The following PRRC2B variants were observed in gnomAD, a reference collection of about 807,000 sequenced individuals.
The protein encoded by PRRC2B is protein PRRC2B.
PRRC2B carries 68 observed loss-of-function variants against 242.3 expected under a neutral mutation model. The observed-to-expected ratio is 0.28, with a 90% CI of 0.23 to 0.34. The LOEUF (loss-of-function observed/expected upper bound fraction) is 0.34, where lower values mean the gene tolerates loss of function less well. Among genes scored for constraint, PRRC2B ranks in the 10% least tolerant of loss-of-function variants. The pLI is 1.00. For synonymous variants in PRRC2B, 1,228 were observed against 1,173.6 expected, an observed-to-expected ratio of 1.05 and a Z score of -0.95; for missense variants, 2,835 against 2,954.8, an observed-to-expected ratio of 0.96 and a Z score of 0.94.
At chr9:131,381,671 G>A (rs1441430032) in intron 1 of PRRC2B, among the ~76,000 whole-genome samples, 1 of 151,086 alleles carries the variant, frequency 6.6e-6, no homozygotes, top group Admixed American at 6.6e-5. Context: ...TGCCTGCCTC[G>A]GCCTCCCAAA....
intron 31 of PRRC2B, among the ~76,000 whole-genome samples, chr9:131,495,011 G>T (rs920477974): frequency 6.6e-6 from 1 of 152,176 alleles, no homozygotes; most frequent in African/African-American, 2.4e-5. Context: ...CCCCTCAGAC[G>T]TGGGTTTTTA....
At chr9:131,396,256 C>T (rs1211394150) in intron 1 of PRRC2B, among the ~76,000 whole-genome samples, 1 of 151,484 alleles carries the variant, frequency 6.6e-6, no homozygotes, top group African/African-American at 2.4e-5. Context: ...CCCTTGCCCT[C>T]TTCCTCTCTC....
chr9:131,420,489 CTTTCTTT>C (rs1186136656), intron 1 of PRRC2B, among the ~76,000 whole-genome samples: 4 of 17,618 alleles, frequency 2.3e-4, no homozygotes, highest in Admixed American at 2.0e-3. Context: ...TTCTTTCTTT[CTTTCTTT>C]TTTTTTTTTT....
At chr9:131,400,422 A>C (rs564063378) in intron 1 of PRRC2B, among the ~76,000 whole-genome samples, 10 of 151,662 alleles carry the variant, frequency 6.6e-5, no homozygotes, top group African/African-American at 2.4e-4. Context: ...GGGTTCAAGC[A>C]ATTCTCGTGC....
chr9:131,378,147 A>T (rs1382984757), intron 1 of PRRC2B, among the ~76,000 whole-genome samples: 1 of 151,952 alleles, frequency 6.6e-6, no homozygotes, highest in Non-Finnish European at 1.5e-5. Context: ...TGTCTCTACT[A>T]AAAATTCAAA....
Position 131,484,742 on chromosome 9 carries a change from C to T in PRRC2B, c.5517C>T (p.Ala1839=). The T allele has an allele frequency of 1.2e-6, 2 of 1,613,122 alleles. No homozygotes were observed. Among genetic ancestry groups the T allele is most frequent in the Non-Finnish European group, 1.7e-6 (2 of 1,179,482 alleles). Residue 1839 remains alanine (A), a synonymous_variant, in exon 24 of 32, where the codon GCC becomes GCT. Transcript: ENST00000683519. ...ILRRDHHIQR[A]IGLSPMSFPT... is the part of the protein sequence containing the mutation. ...GGCGGGACCATCACATCCAGAGGGC[C>T]ATCGGTCTCTCCCCAATGTCCTTCC...
chr9:131,390,843 A>G (rs576726449), upstream of PRRC2B, among the ~76,000 whole-genome samples: 33 of 127,146 alleles, frequency 2.6e-4, no homozygotes, highest in South Asian at 8.6e-3. Flanking sequence ...CTATAGTGCA[A>G]TGGTGCAATC....
Position 131,481,746 on chromosome 9 carries a change from G to A in PRRC2B, c.4921G>A (p.Ala1641Thr), listed in dbSNP as rs927717052. The A allele has an allele frequency of 1.3e-6, 2 of 1,565,320 alleles. No individual in the cohort carries two copies. The highest frequency in any genetic ancestry group is 2.4e-5 in the South Asian group (2 of 84,796). The change falls in exon 20 of 32, where the codon GCC (alanine) becomes ACC (threonine). Residue 1641 changes from alanine to threonine, a missense_variant. Ala to Thr is a moderately conservative substitution (Grantham distance 58). Transcript: ENST00000683519. ...SSQALPVQAPANDSWRKAVTA... is the reference protein window; with the variant it reads ...SSQALPVQAPTNDSWRKAVTA... ...GGCAGCTCTCCCTGTGCAGGCCCCA[G>A]CCAACGACTCCTGGAGGAAAGCTGT... is the stretch of plus-strand genomic sequence containing the variant.
At chr9:131,391,212 G>C (rs1836896767), upstream of PRRC2B, among the ~76,000 whole-genome samples, 1 of 152,032 alleles carries the variant, frequency 6.6e-6, no homozygotes, top group Non-Finnish European at 1.5e-5. Context: ...TAAAGTTCTG[G>C]AGGTCACGGT....
Position 131,474,637 on chromosome 9 carries a change from T to C in PRRC2B, c.2508T>C (p.Asn836=). 1 of 1,613,874 alleles carries C rather than the reference T, an allele frequency of 6.2e-7. No individual in the cohort carries two copies. Among genetic ancestry groups the C allele is most frequent in the Non-Finnish European group, 8.5e-7 (1 of 1,179,856 alleles). The part of the protein sequence containing the change: ...GQELLFPPQE[N]VQDAGAPGGH... Reference sequence around the variant, plus strand: ...AGCTTTTGTTTCCACCCCAAGAAAATGTTCAGGATGCAGGTGCTCCTGGGG... The same window carrying C: ...AGCTTTTGTTTCCACCCCAAGAAAACGTTCAGGATGCAGGTGCTCCTGGGG... The change falls in exon 16 of 32, where the codon AAT becomes AAC. Residue 836 remains asparagine, a synonymous_variant. Transcript: ENST00000683519.
intron 9 of PRRC2B, among the ~76,000 whole-genome samples, chr9:131,448,543 C>CAGAAAAAAAAAAAAAAAAAAAAAA (rs1838884232): frequency 2.5e-5 from 1 of 39,874 alleles, no homozygotes; most frequent in Non-Finnish European, 5.3e-5. Context: ...GACACTGTCT[C>CAGAAAAAAAAAAAAAAAAAAAAAA]AAAAAAAAAA....
rs1183941835 is a variant in PRRC2B, at chr9:131,485,082, TG to T, written c.5702del (p.Gly1901GlufsTer12). On this transcript the variant is annotated frameshift_variant, in exon 25 of 32. Transcript: ENST00000683519. LOFTEE classifies it high-confidence loss of function. ...SSGVNYSSFG[G>X]VSMPPMPVAS... ...GCGGGGTCAACTACAGCTCCTTCGG[TG>T]GAGTGTCCATGCCACCCATGCCTGT... 1.2e-6 allele frequency: 2 copies of T among 1,605,526 alleles called. No individual in the cohort carries two copies. The highest frequency in any genetic ancestry group is 1.7e-6 in the Non-Finnish European group (2 of 1,175,840).
chr9:131,398,434 C>T (rs908265605), intron 1 of PRRC2B, among the ~76,000 whole-genome samples: 5 of 152,216 alleles, frequency 3.3e-5, no homozygotes, highest in African/African-American at 1.2e-4. Flanking sequence ...GAGTAGCTGG[C>T]AGAACAAAGC....
At position 131,476,310 on chromosome 9, in the gene PRRC2B, G is replaced by A. The variant is rs769297099; in HGVS notation, c.4181G>A (p.Gly1394Glu). ...CGGCGGGAGCGGCGGGAAGGCCCTGGGTCCGAGCCCGACTCCCAGGTGGAT... is the reference window on the plus strand; with the variant it reads ...CGGCGGGAGCGGCGGGAAGGCCCTGAGTCCGAGCCCGACTCCCAGGTGGAT... ...SERRERREGPGSEPDSQVDGG... is the reference protein window; with the variant it reads ...SERRERREGPESEPDSQVDGG... Residue 1394 changes from glycine to glutamate, a missense_variant, in exon 16 of 32, where the codon GGG (glycine) becomes GAG (glutamate). Physicochemically the swap from Gly to Glu is moderately conservative, Grantham distance 98. Transcript: ENST00000683519. The A allele has an allele frequency of 1.3e-6, 2 of 1,581,238 alleles. No individual in the cohort carries two copies. Among genetic ancestry groups the A allele is most frequent in the Non-Finnish European group, 1.7e-6 (2 of 1,164,150 alleles).
intron 12 of PRRC2B, among the ~76,000 whole-genome samples, chr9:131,466,024 C>T (rs1943386618): frequency 6.6e-6 from 1 of 152,194 alleles, no homozygotes; most frequent in Non-Finnish European, 1.5e-5. Flanking sequence ...TGTGCCTGGG[C>T]AACACGGCCC....
At chr9:131,486,284 T>G in intron 26 of PRRC2B, 102 bp downstream of exon 26, 1 of 916,318 alleles carries the variant, frequency 1.1e-6, no homozygotes, top group Non-Finnish European at 1.7e-6. Flanking sequence ...TGTCTGGTTT[T>G]CCATCCCCCT....
rs1032314604 is a variant in PRRC2B, at chr9:131,436,845, G to A, written c.396+123G>A. 4.1e-6 allele frequency: 3 copies of A among 734,912 alleles called. No homozygotes were observed. The African/African-American group carries it at 5.3e-5, about 13-fold the overall frequency. 45.5% of individuals were successfully genotyped at this position (734,912 alleles called of 1,614,324 possible). A position where few individuals can be genotyped will look rare whatever the true frequency, so the allele number is the denominator to read the frequency against. ...GGTTGTGCATGACCTGTCTATTCCA[G>A]AGGCACACCCGATGAGTGACTTTAG... On this transcript the variant is annotated intron_variant, in intron 4 of 31. Transcript: ENST00000683519.
intron 1 of PRRC2B, among the ~76,000 whole-genome samples, chr9:131,397,563 G>GTTTTTTTTTTTTTTTTTTTTTTTTTTTTT (rs58424444): frequency 4.0e-5 from 4 of 98,980 alleles, no homozygotes; most frequent in Non-Finnish European, 5.8e-5. Context: ...ACTTTTGAGG[G>GTTTTTTTTTTTTTTTTTTTTTTTTTTTTT]TTTTTTTTTT....
At chr9:131,460,267 G>T (rs372800128) in intron 11 of PRRC2B, among the ~76,000 whole-genome samples, 1 of 152,140 alleles carries the variant, frequency 6.6e-6, no homozygotes, top group African/African-American at 2.4e-5. Flanking sequence ...AAATAATCCA[G>T]TTCAGAATCA....
Sources: allele counts gnomAD v4.1 joint callset (sites outside exome capture counted in the v4.1 genomes callset), GRCh38; gene constraint gnomAD v4.1.1; transcripts MANE v1.5; gene names NCBI Gene and HGNC (gene_info 2026-07-23, HGNC 2026-07-21).